Variants in STOM observed in about 807,000 individuals in gnomAD.
STOM encodes erythrocyte band 7 integral membrane protein.
In STOM, 25 loss-of-function variants were observed where a neutral mutation model predicts 30.6. That is an observed-to-expected ratio of 0.82 (90% CI 0.60 to 1.14). The LOEUF (loss-of-function observed/expected upper bound fraction) is 1.14. Among genes scored for constraint, STOM ranks in the 50% most tolerant of loss-of-function variants. The pLI is 0.00. For synonymous variants in STOM, 118 were observed against 130.8 expected (o/e 0.90, Z 0.67); for missense variants, 292 against 365.2 (o/e 0.80, Z 1.63).
chr9:121,363,180 G>A (rs1036962499), intron 1 of STOM, among the ~76,000 whole-genome samples: 6 of 152,128 alleles, frequency 3.9e-5, no homozygotes, highest in Admixed American at 3.9e-4. Flanking sequence ...TTTTCCTTCT[G>A]CCTTCACAGA....
rs1296969180 is a variant in STOM, at chr9:121,339,310, G to A, written c.*1892C>T. 4.8e-6 allele frequency: 1 copy of A among 210,242 alleles called. No individual in the cohort carries two copies. The allele number at this position is 210,242 out of a possible 1,614,324, so 13.0% of individuals were successfully genotyped here. A position where few individuals can be genotyped will look rare whatever the true frequency, so the allele number is the denominator to read the frequency against. ...CACTGTTACTCTAAGTCTCAGAAAA[G>A]GTTTTCAGTCAGGATATGGAGGCTC... On this transcript the variant is annotated 3_prime_UTR_variant, in exon 7 of 7. Coordinates refer to ENST00000286713, the MANE Select transcript of STOM (RefSeq NM_004099.6).
rs565576677 is a variant in STOM, at chr9:121,359,903, T to C, written c.62-3747A>G. ...GATATTTTTACAGAGGAAGTCCTCT[T>C]AATGCCAGCCATGCCTATTTATAGC... On this transcript the variant is annotated intron_variant, in intron 1 of 6. Coordinates refer to ENST00000286713, the MANE Select transcript of STOM (RefSeq NM_004099.6). 8.9e-4 allele frequency among the ~76,000 whole-genome samples: 136 copies of C among 152,366 alleles called. 1 individual carries two copies. Among genetic ancestry groups the C allele is most frequent in the African/African-American group, 3.0e-3 (126 of 41,582 alleles).
In STOM at chr9:121,341,262, G is replaced by A; in HGVS notation, c.807C>T (p.Phe269=). 1.2e-6 allele frequency: 2 copies of A among 1,614,178 alleles called. No individual in the cohort carries two copies. Among genetic ancestry groups the A allele is most frequent in the Non-Finnish European group, 1.7e-6 (2 of 1,180,040 alleles). The change falls in exon 7 of 7, where the codon TTC becomes TTT. Residue 269 remains phenylalanine (F), a synonymous_variant. Transcript: ENST00000286713. ...IAAEKNSTIV[F]PLPIDMLQGI... is the part of the protein sequence containing the mutation. ...CTTGCAGCATATCTATGGGCAGAGG[G>A]AAGACAATTGTTGAGTTTTTCTCAG...
intron 4 of STOM, among the ~76,000 whole-genome samples, chr9:121,352,599 A>T (rs1237106258): frequency 6.6e-6 from 1 of 152,242 alleles, no homozygotes; most frequent in Non-Finnish European, 1.5e-5. Flanking sequence ...TAGTAACAGT[A>T]AGAACTTATA....
At chr9:121,365,132 T>G (rs1446225620) in intron 1 of STOM, among the ~76,000 whole-genome samples, 1 of 151,872 alleles carries the variant, frequency 6.6e-6, no homozygotes, top group Non-Finnish European at 1.5e-5. Context: ...GTTGTTTTTT[T>G]GGGGAAAAGA....
rs775326025 is a variant in STOM, at chr9:121,354,678, A to G, written c.166-5T>C. 65 of 1,588,618 alleles carry G rather than the reference A, an allele frequency of 4.1e-5. No individual in the cohort carries two copies. Among genetic ancestry groups the G allele is most frequent in the Admixed American group, 2.6e-4 (15 of 57,250 alleles). ...TCTTTCATACTCTTTTATAATCTAG[A>G]ATAAAAACATGAATAATAATTTAAC... is the stretch of plus-strand genomic sequence containing the variant. On this transcript the variant is annotated splice_region_variant and splice_polypyrimidine_tract_variant and intron_variant, in intron 2 of 6. Transcript: ENST00000286713.
chr9:121,340,371 C>A lies in STOM; in HGVS notation c.*831G>T. On this transcript the variant is annotated 3_prime_UTR_variant, in exon 7 of 7. Coordinates refer to ENST00000286713, the MANE Select transcript of STOM (RefSeq NM_004099.6). ...AAGTACAGGCAAGAAAATGGCTACT[C>A]TCAAGTAAGGATTATTCTGAAACAC... The A allele has an allele frequency of 1.0e-6, 1 of 985,374 alleles. No homozygotes were observed. Among genetic ancestry groups the A allele is most frequent in the Admixed American group, 6.1e-5 (1 of 16,288 alleles). The allele number at this position is 985,374 out of a possible 1,614,324, so 61.0% of individuals were successfully genotyped here. A position where few individuals can be genotyped will look rare whatever the true frequency, so the allele number is the denominator to read the frequency against.
chr9:121,344,493 A>C (rs1381230480), intron 6 of STOM, among the ~76,000 whole-genome samples: 1 of 152,208 alleles, frequency 6.6e-6, no homozygotes, highest in African/African-American at 2.4e-5. Context: ...CAAGCTGCCA[A>C]AGATGTAAAC....
chr9:121,358,463 A>AAAGGAAGGAAGG lies in STOM; in HGVS notation c.62-2319_62-2308dup, dbSNP rs560934797. 7.1e-3 allele frequency among the ~76,000 whole-genome samples: 1,082 copies of AAAGGAAGGAAGG among 151,992 alleles called. 13 individuals are homozygous for AAAGGAAGGAAGG. The highest frequency in any genetic ancestry group is 0.025 in the African/African-American group (1,034 of 41,392). On this transcript the variant is annotated intron_variant, in intron 1 of 6. Transcript: ENST00000286713. Reference sequence around the variant, plus strand: ...AAGTGAGGAAAGAAAGAAAGAAAGAAAAGGAAGGAAGGAAGGAAGGAAATG... The same window carrying AAAGGAAGGAAGG: ...AAGTGAGGAAAGAAAGAAAGAAAGAAAAGGAAGGAAGGAAGGAAGGAAGGAAGGAAGGAAATG...
rs990177543 is a variant in STOM, at chr9:121,364,174, C to T, written c.61+5953G>A. On this transcript the variant is annotated intron_variant, in intron 1 of 6. Coordinates refer to ENST00000286713, the MANE Select transcript of STOM (RefSeq NM_004099.6). ...AGAAGTGAGAAAGAGGCAGAGTTTA[C>T]CACATGGTAGCGTCTCGATAAACGT... Among the ~76,000 whole-genome samples, 20 of 152,148 alleles carry T rather than the reference C, an allele frequency of 1.3e-4. 1 individual carries two copies. The highest frequency in any genetic ancestry group is 4.3e-4 in the African/African-American group (18 of 41,438).
intron 1 of STOM, among the ~76,000 whole-genome samples, chr9:121,366,921 TAAA>T (rs769311927): frequency 1.4e-5 from 2 of 138,994 alleles, no homozygotes; most frequent in Non-Finnish European, 1.6e-5. Flanking sequence ...GACCCTGAGT[TAAA>T]AAAAAAAAAA....
chr9:121,347,787 A>G (rs190202778), intron 6 of STOM, among the ~76,000 whole-genome samples: 218 of 152,348 alleles, frequency 1.4e-3, no homozygotes, highest in African/African-American at 5.1e-3. Flanking sequence ...TAAAACAAAC[A>G]AGCCAGTAAT....
At chr9:121,361,639 C>T (rs1372542597) in intron 1 of STOM, among the ~76,000 whole-genome samples, 3 of 152,128 alleles carry the variant, frequency 2.0e-5, no homozygotes. Context: ...CCTCCGGCCT[C>T]GGCCTCCCAA....
intron 1 of STOM, among the ~76,000 whole-genome samples, chr9:121,359,122 A>C (rs1171364968): frequency 1.3e-5 from 2 of 152,106 alleles, no homozygotes; most frequent in African/African-American, 4.8e-5. Context: ...GAGCTATTTT[A>C]ATGACAGAGG....
Position 121,370,238 on chromosome 9 carries a change from C to T in STOM, c.-51G>A, listed in dbSNP as rs1208456651. The T allele has an allele frequency of 3.3e-6, 5 of 1,526,316 alleles. No homozygotes were observed. In the Admixed American group the frequency reaches 9.9e-5, roughly 30 times the overall value. 94.5% of individuals were successfully genotyped at this position (1,526,316 alleles called of 1,614,324 possible). Reference sequence around the variant, plus strand: ...CCCGTCCTCGTTGCCAAACCCGGAGCCGCCGGGAATGCCCTGAGGAGCCAG... The same window carrying T: ...CCCGTCCTCGTTGCCAAACCCGGAGTCGCCGGGAATGCCCTGAGGAGCCAG... On this transcript the variant is annotated 5_prime_UTR_variant, in exon 1 of 7. Transcript: ENST00000286713.
At chr9:121,344,954 G>A (rs1248831326) in intron 6 of STOM, among the ~76,000 whole-genome samples, 3 of 152,190 alleles carry the variant, frequency 2.0e-5, no homozygotes, top group Non-Finnish European at 4.4e-5. Flanking sequence ...AAACACGTAG[G>A]AGAATCTGTC....
In STOM at chr9:121,341,426, G is replaced by C. The variant is rs761133941; in HGVS notation, c.661-18C>G. The C allele has an allele frequency of 2.3e-5, 37 of 1,612,072 alleles. No individual in the cohort carries two copies. The highest frequency in any genetic ancestry group is 5.0e-5 in the Admixed American group (3 of 60,002). ...GCAATAACCTATGGACAGGTGAAAG[G>C]AGGGGTTGAACTGGAGAAAACCTCA... On this transcript the variant is annotated intron_variant, in intron 6 of 6. Transcript: ENST00000286713.
At position 121,340,137 on chromosome 9, in the gene STOM, G is replaced by A. The variant is rs1023511765; in HGVS notation, c.*1065C>T. On this transcript the variant is annotated 3_prime_UTR_variant, in exon 7 of 7. Transcript: ENST00000286713. ...TTTAAAACCTGATATATGAAAATAG[G>A]CAACAGTGAGAAAAAAGCACTTTTG... 67 of 984,944 alleles carry A rather than the reference G, an allele frequency of 6.8e-5. No homozygotes were observed. The highest frequency in any genetic ancestry group is 1.8e-5 in the Non-Finnish European group (15 of 829,668). 61.0% of individuals were successfully genotyped at this position (984,944 alleles called of 1,614,324 possible). A position where few individuals can be genotyped will look rare whatever the true frequency, so the allele number is the denominator to read the frequency against.
At chr9:121,346,178 C>T (rs1457696602) in intron 6 of STOM, among the ~76,000 whole-genome samples, 6 of 151,998 alleles carry the variant, frequency 3.9e-5, no homozygotes, top group African/African-American at 1.4e-4. Context: ...TTAGTAAGGA[C>T]GGGGTTTCAC....
Sources: allele counts gnomAD v4.1 joint callset (sites outside exome capture counted in the v4.1 genomes callset), GRCh38; gene constraint gnomAD v4.1.1; transcripts MANE v1.5; gene names NCBI Gene and HGNC (gene_info 2026-07-23, HGNC 2026-07-21).